The following ITGB3 variants were observed in gnomAD, a reference collection of about 807,000 sequenced individuals.
ITGB3 encodes the protein integrin beta-3.
A neutral mutation model predicts 85.8 loss-of-function variants in ITGB3; 48 were observed. That is an observed-to-expected ratio of 0.56 (90% confidence interval 0.44 to 0.71). The LOEUF (loss-of-function observed/expected upper bound fraction) is 0.71. ITGB3 is among the 30% of genes least tolerant of loss of function. ITGB3 has a pLI of 0.00. For missense variants in ITGB3, 861 were observed against 1,019.1 expected (o/e 0.84, Z 2.11); for synonymous variants, 363 against 395.6 (o/e 0.92, Z 0.98).
At chr17:47,279,438 G>C (rs2065075462) in intron 2 of ITGB3, 1 of 152,208 alleles carries the variant, frequency 6.6e-6, no homozygotes, top group Non-Finnish European at 1.5e-5. Flanking sequence ...GGAACAGAGG[G>C]CTCTCGTGGA....
At chr17:47,257,632 C>T (rs2064995057) in intron 1 of ITGB3, among the ~76,000 whole-genome samples, 1 of 152,216 alleles carries the variant, frequency 6.6e-6, no homozygotes, top group Non-Finnish European at 1.5e-5. Flanking sequence ...TCCTCAAGTG[C>T]TCCGTTTGGA....
chr17:47,261,519 CTTTTT>C (rs71365061), intron 1 of ITGB3, among the ~76,000 whole-genome samples: 1 of 128,054 alleles, frequency 7.8e-6, no homozygotes. Flanking sequence ...GGATCATTGT[CTTTTT>C]TTTTTTTTTT....
At chr17:47,254,381 TGA>T (rs1167134178) in intron 1 of ITGB3, among the ~76,000 whole-genome samples, 1 of 152,134 alleles carries the variant, frequency 6.6e-6, no homozygotes, top group Non-Finnish European at 1.5e-5. Context: ...GCTTCCTGGG[TGA>T]GAGCGTGCGC....
At chr17:47,289,621 C>A (rs534978127) in intron 6 of ITGB3, 60 bp from the exon 7 acceptor site, 2 of 1,222,820 alleles carry the variant, frequency 1.6e-6, no homozygotes, top group East Asian at 2.3e-5. Context: ...AAGTTCTAAG[C>A]TTTAGACCCT....
At chr17:47,307,671 T>C (rs746450524) in intron 14 of ITGB3, 34 bp downstream of exon 14, 2 of 1,604,734 alleles carry the variant, frequency 1.2e-6, no homozygotes, top group Non-Finnish European at 1.7e-6. Flanking sequence ...TCTAAAGTCA[T>C]TGGTCTGAGA....
chr17:47,262,527 G>C (rs910139897), intron 1 of ITGB3, among the ~76,000 whole-genome samples: 1 of 152,172 alleles, frequency 6.6e-6, no homozygotes, highest in African/African-American at 2.4e-5. Flanking sequence ...CCCTGTTGAT[G>C]TTTTCTGGCT....
rs117755614 is a variant in ITGB3, at chr17:47,299,183, T to G, written c.1691-125T>G. 436 of 969,278 alleles carry G rather than the reference T, an allele frequency of 4.5e-4. 6 individuals carry two copies. The East Asian group carries it at 0.011, about 24-fold the overall frequency. The allele number at this position is 969,278 out of a possible 1,614,324, so 60.0% of individuals were successfully genotyped here. On this transcript the variant is annotated intron_variant, in intron 10 of 14. Coordinates refer to ENST00000559488, the MANE Select transcript of ITGB3 (RefSeq NM_000212.3). The surrounding 1 kb of genome is among the most constrained non-coding windows in gnomAD (Gnocchi z 5.1). ...AGGACTCCCCTGGGTGGTGAGCCAA[T>G]TCCCTGCCAACCTGGAGGATCATTA...
chr17:47,271,687 G>A (rs75563753), intron 1 of ITGB3, among the ~76,000 whole-genome samples: 3,820 of 152,250 alleles, frequency 0.025, 70 homozygotes, highest in Non-Finnish European at 0.037. Context: ...TGTTGTCTTA[G>A]CCAGTTCTAG....
chr17:47,259,171 T>C (rs1484905363), intron 1 of ITGB3, among the ~76,000 whole-genome samples: 1 of 152,220 alleles, frequency 6.6e-6, no homozygotes, highest in Non-Finnish European at 1.5e-5. Flanking sequence ...AACCAACACT[T>C]ATTATTCTTG....
rs2065172371 is a variant in ITGB3 at position 47,302,813 on chromosome 17, T to C, written c.2107T>C (p.Ser703Pro). The stretch of plus-strand genomic sequence containing the variant: ...GTACTATGAAGATTCTAGTGGAAAG[T>C]CCATCCTGTATGTGGTAGAAGAGCC... The part of the protein sequence containing the change: ...FQYYEDSSGK[S>P]ILYVVEEPEC... The change falls in exon 13 of 15, where the codon TCC (serine) becomes CCC (proline). Residue 703 changes from serine to proline, a missense_variant. Ser to Pro is a moderately conservative substitution (Grantham distance 74). Coordinates refer to ENST00000559488, the MANE Select transcript of ITGB3 (RefSeq NM_000212.3). 1 of 1,614,206 alleles carries C rather than the reference T, an allele frequency of 6.2e-7. No individual in the cohort carries two copies. The highest frequency in any genetic ancestry group is 8.5e-7 in the Non-Finnish European group (1 of 1,180,030).
chr17:47,291,608 C>T (rs1198777523), intron 9 of ITGB3: 3 of 268,512 alleles, frequency 1.1e-5, no homozygotes, highest in Non-Finnish European at 2.1e-5. Context: ...TACGCTGATC[C>T]TTTCTATTGA....
intron 11 of ITGB3, 130 bp from the exon 12 acceptor site, chr17:47,300,346 CGT>C (rs58012849): frequency 5.7e-4 from 350 of 618,442 alleles, no homozygotes; most frequent in African/African-American, 1.4e-3. Context: ...CGCGCGCGCG[CGT>C]GTGTGTGTGT....
intron 1 of ITGB3, among the ~76,000 whole-genome samples, chr17:47,270,740 A>T (rs2065041438): frequency 6.6e-6 from 1 of 152,160 alleles, no homozygotes; most frequent in Admixed American, 6.5e-5. Flanking sequence ...AAGGCATCCC[A>T]CTTGTAGAAT....
At chr17:47,255,422 T>G (rs1459991913) in intron 1 of ITGB3, among the ~76,000 whole-genome samples, 2 of 152,080 alleles carry the variant, frequency 1.3e-5, no homozygotes, top group Admixed American at 6.5e-5. Context: ...GGATATCTTT[T>G]TTTGTTTGTT....
At chr17:47,307,058 G>C (rs1343108314) in intron 13 of ITGB3, among the ~76,000 whole-genome samples, 2 of 152,150 alleles carry the variant, frequency 1.3e-5, no homozygotes, top group African/African-American at 4.8e-5. Flanking sequence ...GATAAACTGT[G>C]AGTCATGGGG....
rs577315992 is a variant in ITGB3, at chr17:47,293,633, G to A, written c.1690+1065G>A. Among the ~76,000 whole-genome samples the A allele has an allele frequency of 8.6e-5, 13 of 150,796 alleles. No homozygotes were observed. In the East Asian group the frequency reaches 1.2e-3, roughly 14 times the overall value. ...TGGGGTTCTTTTTTTTTTTTGAGAC[G>A]GAGTCTTGCTCTATCGCCAGGCTGG... On this transcript the variant is annotated intron_variant, in intron 10 of 14. Transcript: ENST00000559488.
intron 12 of ITGB3, among the ~76,000 whole-genome samples, chr17:47,301,872 G>A (rs3785873): frequency 0.086 from 13,099 of 152,062 alleles, 611 homozygotes; most frequent in East Asian, 0.19. Context: ...TAAGAACTAG[G>A]TCCTGAAATC....
chr17:47,304,989 C>T (rs1300717999), intron 13 of ITGB3, among the ~76,000 whole-genome samples: 14 of 152,160 alleles, frequency 9.2e-5, no homozygotes, highest in African/African-American at 3.1e-4. Context: ...ATTGGTCCAC[C>T]GCTGTGGCTG....
Position 47,312,879 on chromosome 17 carries a change from A to C in ITGB3, c.*2675A>C, listed in dbSNP as rs537865257. 2.6e-5 allele frequency among the ~76,000 whole-genome samples: 4 copies of C among 152,288 alleles called. No individual in the cohort carries two copies. In the South Asian group the frequency reaches 8.3e-4, roughly 32 times the overall value. On this transcript the variant is annotated 3_prime_UTR_variant, in exon 15 of 15. Coordinates refer to ENST00000559488, the MANE Select transcript of ITGB3 (RefSeq NM_000212.3). The stretch of plus-strand genomic sequence containing the variant: ...GAGAAAATTTATGTCCAGTCTCAGG[A>C]TCTGTGGACAATAACGGAAAACTTT...
Sources: gnomAD v4.1 joint callset for allele counts (sites outside exome capture counted in the v4.1 genomes callset) on GRCh38, gnomAD v4.1.1 for gene constraint, Gnocchi (gnomAD v3.1) non-coding constraint, MANE v1.5 for transcripts, NCBI Gene and HGNC (gene_info 2026-07-23, HGNC 2026-07-21) for gene names.